Variants in A1CF observed in about 807,000 individuals in gnomAD.
A1CF encodes APOBEC-1 stimulating protein.
A neutral mutation model predicts 68.9 loss-of-function variants in A1CF; 48 were observed. The ratio of observed to expected loss-of-function variants is 0.70; its 90% CI spans 0.55 to 0.89. The LOEUF is 0.89. A1CF is among the 40% of genes least tolerant of loss of function. A1CF has a pLI of 0.00. For missense variants in A1CF, 653 were observed against 718.9 expected (o/e 0.91, Z 1.05); for synonymous variants, 272 against 260.4 (o/e 1.04, Z -0.43).
At chr10:50,815,567 G>T (rs918542764) in intron 9 of A1CF, among the ~76,000 whole-genome samples, 2 of 152,176 alleles carry the variant, frequency 1.3e-5, no homozygotes. Context: ...CAATGCCACT[G>T]AGTCACCATC....
chr10:50,829,216 T>C (rs1319007605), intron 6 of A1CF, among the ~76,000 whole-genome samples: 1 of 151,998 alleles, frequency 6.6e-6, no homozygotes, highest in Non-Finnish European at 1.5e-5. Context: ...TCCCCCTTTT[T>C]TGTTGTTGTT....
intron 3 of A1CF, among the ~76,000 whole-genome samples, chr10:50,856,287 A>C (rs16910313): frequency 0.23 from 34,877 of 151,978 alleles, 4,684 homozygotes; most frequent in East Asian, 0.45. Context: ...TTCTGATTTA[A>C]AGTCTTGGAT....
intron 3 of A1CF, among the ~76,000 whole-genome samples, chr10:50,851,822 C>T (rs1564521781): frequency 6.6e-6 from 1 of 152,214 alleles, no homozygotes; most frequent in Non-Finnish European, 1.5e-5. Flanking sequence ...TGGTTCCCTG[C>T]TCAGCACTTC....
chr10:50,835,982 G>A, intron 6 of A1CF, 92 bp downstream of exon 6: 2 of 1,223,330 alleles, frequency 1.6e-6, no homozygotes, highest in Non-Finnish European at 2.3e-6. Context: ...CGTAATGAAA[G>A]ATAGCCAAAA....
chr10:50,833,498 A>G (rs969333742), intron 6 of A1CF, among the ~76,000 whole-genome samples: 1 of 152,208 alleles, frequency 6.6e-6, no homozygotes, highest in Non-Finnish European at 1.5e-5. Flanking sequence ...TCAAGGGGGA[A>G]CTGCCACTGT....
intron 5 of A1CF, 102 bp downstream of exon 5, chr10:50,841,760 T>C: frequency 1.4e-6 from 2 of 1,410,318 alleles, no homozygotes; most frequent in South Asian, 2.6e-5. Flanking sequence ...ATTTCTGGCT[T>C]GGCTTTTTTT....
intron 3 of A1CF, among the ~76,000 whole-genome samples, chr10:50,859,466 T>C (rs1425787125): frequency 6.6e-6 from 1 of 152,142 alleles, no homozygotes; most frequent in Non-Finnish European, 1.5e-5. Flanking sequence ...AAGTCTTAGG[T>C]GTGCAGTGAT....
At chr10:50,828,812 C>T (rs1839096650) in intron 6 of A1CF, among the ~76,000 whole-genome samples, 1 of 152,088 alleles carries the variant, frequency 6.6e-6, no homozygotes, top group South Asian at 2.1e-4. Flanking sequence ...GGGACTCAGG[C>T]ATCCTTAATT....
In A1CF at chr10:50,811,136, G is replaced by C; in HGVS notation, c.1364C>G (p.Pro455Arg). The C allele has an allele frequency of 6.2e-7, 1 of 1,613,200 alleles. No individual in the cohort carries two copies. ...AATAGCAGAGTGCAGCTGGTACACT[G>C]GCTGTCCCCAGTTATTTTTCTGACA... Reference protein sequence around the residue: ...EICQKNNWGQPVYQLHSAIGQ... With the variant: ...EICQKNNWGQRVYQLHSAIGQ... Residue 455 changes from proline to arginine, a missense_variant, in exon 11 of 13, where the codon CCA (proline) becomes CGA (arginine). Pro to Arg is a moderately radical substitution (Grantham distance 103). Transcript: ENST00000373997.
chr10:50,884,549 G>A (rs1234817307), intron 1 of A1CF, among the ~76,000 whole-genome samples: 1 of 152,200 alleles, frequency 6.6e-6, no homozygotes, highest in Non-Finnish European at 1.5e-5. Context: ...GAAAATTTCA[G>A]AGCAGACCAA....
chr10:50,857,528 T>C (rs545810317), intron 3 of A1CF, among the ~76,000 whole-genome samples: 5 of 152,126 alleles, frequency 3.3e-5, no homozygotes, highest in Admixed American at 2.6e-4. Flanking sequence ...ACAAAGATAT[T>C]TGGAGATGAC....
chr10:50,810,949 C>G, intron 11 of A1CF, 91 bp downstream of exon 11: 1 of 1,362,218 alleles, frequency 7.3e-7, no homozygotes, highest in Non-Finnish European at 9.8e-7. Context: ...GGTAGTAGAC[C>G]TCAGTATCTT....
chr10:50,871,739 A>T (rs1483024927), intron 1 of A1CF, among the ~76,000 whole-genome samples: 1 of 152,072 alleles, frequency 6.6e-6, no homozygotes, highest in Non-Finnish European at 1.5e-5. Context: ...AAAAAAATAA[A>T]GTGGGCATAT....
intron 3 of A1CF, among the ~76,000 whole-genome samples, chr10:50,857,238 C>T (rs950204092): frequency 3.3e-5 from 5 of 152,030 alleles, no homozygotes; most frequent in South Asian, 2.1e-4. Flanking sequence ...TTAATACACG[C>T]GTACAATATG....
intron 3 of A1CF, among the ~76,000 whole-genome samples, chr10:50,858,876 A>G (rs961661295): frequency 6.6e-6 from 1 of 152,108 alleles, no homozygotes; most frequent in African/African-American, 2.4e-5. Context: ...TTGAAATCTT[A>G]AAAAAGACTA....
intron 3 of A1CF, among the ~76,000 whole-genome samples, chr10:50,855,973 C>A (rs1361616435): frequency 6.6e-6 from 1 of 151,746 alleles, no homozygotes; most frequent in Admixed American, 6.6e-5. Context: ...TTTGGATAAT[C>A]ATATTGATCT....
At chr10:50,818,077 C>T (rs1033743729) in intron 8 of A1CF, among the ~76,000 whole-genome samples, 6 of 152,096 alleles carry the variant, frequency 3.9e-5, no homozygotes, top group South Asian at 2.1e-4. Context: ...TCAGTTCCTG[C>T]GTCCTTTGAA....
intron 12 of A1CF, among the ~76,000 whole-genome samples, chr10:50,809,346 A>T (rs1837984123): frequency 6.6e-6 from 1 of 152,216 alleles, no homozygotes; most frequent in African/African-American, 2.4e-5. Context: ...TTTGAAATCA[A>T]ATTAATAAAA....
At chr10:50,836,781 C>T (rs1465058242) in intron 5 of A1CF, among the ~76,000 whole-genome samples, 2 of 148,150 alleles carry the variant, frequency 1.3e-5, no homozygotes, top group East Asian at 4.0e-4. Context: ...TGAGTGAGAA[C>T]ATGCAGTGTT....
Sources: gnomAD v4.1 joint callset for allele counts (sites outside exome capture counted in the v4.1 genomes callset) on GRCh38, gnomAD v4.1.1 for gene constraint, MANE v1.5 for transcripts, NCBI Gene and HGNC (gene_info 2026-07-23, HGNC 2026-07-21) for gene names.